RBMS3: variants seen among roughly 807,000 people sequenced by gnomAD.
RBMS3 encodes RNA binding motif single stranded interacting protein 3.
RBMS3 carries 27 observed loss-of-function variants against 66.8 expected under a neutral mutation model. The ratio of observed to expected loss-of-function variants is 0.40; its 90% CI spans 0.30 to 0.56. The LOEUF (loss-of-function observed/expected upper bound fraction) is 0.56. Among genes scored for constraint, RBMS3 ranks in the 20% least tolerant of loss-of-function variants. RBMS3 has a pLI of 0.40. For missense variants in RBMS3, 513 were observed against 549.5 expected (o/e 0.93, Z 0.66); for synonymous variants, 188 against 183.0 (o/e 1.03, Z -0.22).
At chr3:29,964,591 T>C (rs1696706356) in intron 12 of RBMS3, among the ~76,000 whole-genome samples, 1 of 152,200 alleles carries the variant, frequency 6.6e-6, no homozygotes, top group Non-Finnish European at 1.5e-5. Context: ...TGTCTACAGT[T>C]TCTTCTTTCC....
chr3:29,555,851 A>G (rs1379484074), intron 3 of RBMS3, among the ~76,000 whole-genome samples: 1 of 149,838 alleles, frequency 6.7e-6, no homozygotes, highest in Non-Finnish European at 1.5e-5. Context: ...CCAATGCTCC[A>G]AAGAAAACTG....
intron 1 of RBMS3, among the ~76,000 whole-genome samples, chr3:29,317,088 T>C (rs376054655): frequency 2.0e-5 from 3 of 151,842 alleles, no homozygotes. Flanking sequence ...AGGAGTGTAG[T>C]AAAAACTCAG....
chr3:29,618,482 G>C (rs2048746552), intron 4 of RBMS3, among the ~76,000 whole-genome samples: 1 of 151,768 alleles, frequency 6.6e-6, no homozygotes, highest in African/African-American at 2.4e-5. Context: ...CTACAGCCTT[G>C]GCAACAGAGC....
At chr3:29,939,307 A>G (rs967868050) in intron 11 of RBMS3, among the ~76,000 whole-genome samples, 3 of 152,014 alleles carry the variant, frequency 2.0e-5, no homozygotes, top group Admixed American at 1.3e-4. Flanking sequence ...ATAAACATAT[A>G]TGACATTGGA....
intron 14 of RBMS3, among the ~76,000 whole-genome samples, chr3:30,002,397 A>C (rs574507369): frequency 1.3e-5 from 2 of 152,086 alleles, no homozygotes; most frequent in African/African-American, 4.8e-5. Flanking sequence ...CCCAACACAC[A>C]CACACATACA....
chr3:29,944,318 T>C, intron 12 of RBMS3, 64 bp downstream of exon 12: 1 of 1,400,622 alleles, frequency 7.1e-7, no homozygotes, highest in Non-Finnish European at 1.0e-6. Flanking sequence ...GCCTGGTTTT[T>C]TCCCAAACTC....
chr3:29,516,437 T>A (rs957874563), intron 3 of RBMS3, among the ~76,000 whole-genome samples: 32 of 151,926 alleles, frequency 2.1e-4, no homozygotes, highest in Admixed American at 1.2e-3. Context: ...GAGAGGAAGT[T>A]TTTTTTTGTT....
intron 6 of RBMS3, among the ~76,000 whole-genome samples, chr3:29,790,505 T>G (rs7652078): frequency 0.11 from 16,530 of 152,092 alleles, 1,040 homozygotes; most frequent in African/African-American, 0.16. Flanking sequence ...GTATAGTCAT[T>G]AGAATATCCT....
At chr3:29,350,207 A>T (rs1014455679) in intron 1 of RBMS3, among the ~76,000 whole-genome samples, 19 of 152,102 alleles carry the variant, frequency 1.2e-4, no homozygotes, top group African/African-American at 4.3e-4. Context: ...CATTTTTGAA[A>T]GTTAGGGATT....
At chr3:29,340,543 C>T (rs1372844302) in intron 1 of RBMS3, among the ~76,000 whole-genome samples, 1 of 152,064 alleles carries the variant, frequency 6.6e-6, no homozygotes, top group Non-Finnish European at 1.5e-5. Context: ...TCATCATATT[C>T]TTTATAGCGT....
intron 4 of RBMS3, among the ~76,000 whole-genome samples, chr3:29,600,524 C>A (rs1279829764): frequency 6.6e-6 from 1 of 152,002 alleles, no homozygotes; most frequent in Non-Finnish European, 1.5e-5. Flanking sequence ...GGGTCATTAG[C>A]TAAATAAGCC....
At chr3:29,316,723 G>T (rs564625170) in intron 1 of RBMS3, among the ~76,000 whole-genome samples, 1 of 151,690 alleles carries the variant, frequency 6.6e-6, no homozygotes, top group South Asian at 2.1e-4. Flanking sequence ...CATATTTTGA[G>T]CTATACTATT....
chr3:29,362,361 C>T (rs554193610), intron 1 of RBMS3, among the ~76,000 whole-genome samples: 41 of 152,310 alleles, frequency 2.7e-4, no homozygotes, highest in African/African-American at 9.9e-4. Flanking sequence ...TGCAGAACAG[C>T]GAATATTGCT....
At chr3:29,702,484 G>A (rs1406528938) in intron 4 of RBMS3, among the ~76,000 whole-genome samples, 1 of 152,134 alleles carries the variant, frequency 6.6e-6, no homozygotes, top group Admixed American at 6.5e-5. Context: ...AACCCGCCGG[G>A]GTCCTCTTTC....
In RBMS3 at chr3:29,865,047, GGGAA is replaced by G. The variant is rs367736059; in HGVS notation, c.638-3797_638-3794del. On this transcript the variant is annotated intron_variant, in intron 6 of 14. Transcript: ENST00000383767. Reference sequence around the variant, plus strand: ...AGGAGAAGGAGGGAGGGAGGAAGGAGGGAAGGAAGGAAGGAAGAGAGAGACGAAG... The same window carrying G: ...AGGAGAAGGAGGGAGGGAGGAAGGAGGGAAGGAAGGAAGAGAGAGACGAAG... 8.1e-3 allele frequency among the ~76,000 whole-genome samples: 1,033 copies of G among 128,086 alleles called. 11 individuals are homozygous for G. The highest frequency in any genetic ancestry group is 0.026 in the Middle Eastern group (5 of 194). 84.0% of individuals were successfully genotyped at this position (128,086 alleles called of 152,430 possible). A position where few individuals can be genotyped will look rare whatever the true frequency, so the allele number is the denominator to read the frequency against.
intron 2 of RBMS3, among the ~76,000 whole-genome samples, chr3:29,450,158 C>T (rs528702595): frequency 6.6e-6 from 1 of 152,190 alleles, no homozygotes; most frequent in East Asian, 1.9e-4. Flanking sequence ...TGGTTATGCC[C>T]ACTACATCCA....
intron 3 of RBMS3, among the ~76,000 whole-genome samples, chr3:29,530,295 T>C (rs1488448247): frequency 6.6e-6 from 1 of 152,148 alleles, no homozygotes; most frequent in East Asian, 1.9e-4. Flanking sequence ...ATTGTAAACA[T>C]TCCAGAAAAA....
At chr3:29,686,249 G>C (rs935754966) in intron 4 of RBMS3, among the ~76,000 whole-genome samples, 8 of 152,054 alleles carry the variant, frequency 5.3e-5, no homozygotes, top group Admixed American at 2.6e-4. Flanking sequence ...TTACTTGTAT[G>C]TCTCTCAGTA....
intron 2 of RBMS3, among the ~76,000 whole-genome samples, chr3:29,470,523 A>G (rs1189023695): frequency 6.6e-6 from 1 of 152,068 alleles, no homozygotes; most frequent in Non-Finnish European, 1.5e-5. Flanking sequence ...GCACACATAC[A>G]TACAAACACC....
Sources: allele counts gnomAD v4.1 joint callset (sites outside exome capture counted in the v4.1 genomes callset), GRCh38; gene constraint gnomAD v4.1.1; transcripts MANE v1.5; gene names NCBI Gene and HGNC (gene_info 2026-07-23, HGNC 2026-07-21).